DDHD1: variants seen among roughly 807,000 people sequenced by gnomAD.
DDHD1 encodes phospholipase DDHD1.
Under a neutral mutation model 96.4 loss-of-function variants are expected in DDHD1, and 49 were observed. The observed-to-expected ratio is 0.51, with a 90% CI of 0.40 to 0.64. The LOEUF is 0.64. DDHD1 is among the 30% of genes least tolerant of loss of function. The pLI, the probability that DDHD1 is intolerant of heterozygous loss-of-function variation, is 0.00. For missense variants in DDHD1, 1,106 were observed against 1,161.2 expected, an observed-to-expected ratio of 0.95 and a Z score of 0.69; for synonymous variants, 442 against 446.5, an observed-to-expected ratio of 0.99 and a Z score of 0.13.
chr14:53,083,539 A>C (rs1240055402), intron 4 of DDHD1, among the ~76,000 whole-genome samples: 1 of 152,230 alleles, frequency 6.6e-6, no homozygotes, highest in Non-Finnish European at 1.5e-5. Context: ...AGCTAGTCTG[A>C]ACTAATCATT....
At chr14:53,119,777 T>C (rs1302096350) in intron 1 of DDHD1, among the ~76,000 whole-genome samples, 1 of 152,158 alleles carries the variant, frequency 6.6e-6, no homozygotes, top group East Asian at 1.9e-4. Flanking sequence ...AAACTCTCAA[T>C]AAACTAGGTA....
intron 7 of DDHD1, among the ~76,000 whole-genome samples, chr14:53,061,541 G>C (rs958129543): frequency 6.6e-6 from 1 of 152,082 alleles, no homozygotes; most frequent in Middle Eastern, 3.4e-3. Flanking sequence ...ATACTTAAGA[G>C]TTTAGAGATC....
At chr14:53,081,742 A>T (rs1452495986) in intron 4 of DDHD1, among the ~76,000 whole-genome samples, 1 of 152,248 alleles carries the variant, frequency 6.6e-6, no homozygotes, top group East Asian at 1.9e-4. Flanking sequence ...GTTATAAAGC[A>T]AACTTACACA....
At chr14:53,075,973 G>T (rs570273007) in intron 4 of DDHD1, among the ~76,000 whole-genome samples, 1 of 151,994 alleles carries the variant, frequency 6.6e-6, no homozygotes, top group Non-Finnish European at 1.5e-5. Flanking sequence ...GTTACTGCCC[G>T]CTGACAATGT....
chr14:53,147,710 G>A (rs535152872), intron 1 of DDHD1, among the ~76,000 whole-genome samples: 2 of 152,216 alleles, frequency 1.3e-5, no homozygotes, highest in African/African-American at 2.4e-5. Context: ...GAGCAGTCAG[G>A]GTTCCAATGC....
rs561734562 is a variant in DDHD1 at position 53,045,381 on chromosome 14, G to C, written c.*1387C>G. 6.6e-6 allele frequency: 1 copy of C among 152,166 alleles called. No homozygotes were observed. The highest frequency in any genetic ancestry group is 1.9e-4 in the East Asian group (1 of 5,140). 9.4% of individuals were successfully genotyped at this position (152,166 alleles called of 1,614,324 possible). Reference sequence around the variant, plus strand: ...GGACTACAGGTGTACACCACTACAAGTGGCTAATTTTTGTCAGTTTTTGCA... The same window carrying C: ...GGACTACAGGTGTACACCACTACAACTGGCTAATTTTTGTCAGTTTTTGCA... On this transcript the variant is annotated 3_prime_UTR_variant, in exon 13 of 13. Coordinates refer to ENST00000673822, the MANE Select transcript of DDHD1 (RefSeq NM_001160148.2).
intron 2 of DDHD1, among the ~76,000 whole-genome samples, chr14:53,094,415 T>G (rs17126123): frequency 7.9e-5 from 12 of 152,096 alleles, no homozygotes; most frequent in African/African-American, 2.9e-4. Context: ...CAAATCAGTA[T>G]GGTTGGCTGG....
rs776401489 is a variant in DDHD1, at chr14:53,152,957, C to A, written c.142G>T (p.Asp48Tyr). 1.9e-6 allele frequency: 3 copies of A among 1,588,466 alleles called. No homozygotes were observed. The highest frequency in any genetic ancestry group is 2.6e-6 in the Non-Finnish European group (3 of 1,170,314). The change falls in exon 1 of 13, where the codon GAC (aspartate) becomes TAC (tyrosine). Residue 48 changes from aspartate (D) to tyrosine (Y), a missense_variant. Around this residue, in one of 2 missense-constraint regions of DDHD1, gnomAD observed 456 missense variants for 402.4 expected, o/e 1.13. Transcript: ENST00000673822. ...AGGGGCACGTCGCCGTCGTCCGGGT[C>A]CCCGCCGGGCAGGTGCTCGAAGCAG... ...VCCFEHLPGG[D>Y]PDDGDVPLAL...
intron 2 of DDHD1, among the ~76,000 whole-genome samples, chr14:53,101,778 C>T (rs905252966): frequency 1.3e-5 from 2 of 151,962 alleles, no homozygotes; most frequent in African/African-American, 4.8e-5. Flanking sequence ...CTACATTTAG[C>T]ATTTAGGCAG....
chr14:53,087,702 G>C (rs1886095922), intron 4 of DDHD1, among the ~76,000 whole-genome samples: 1 of 152,120 alleles, frequency 6.6e-6, no homozygotes, highest in Non-Finnish European at 1.5e-5. Flanking sequence ...GCCCACAAGA[G>C]AAAGCAGAAA....
chr14:53,125,570 T>C (rs545034025), intron 1 of DDHD1, among the ~76,000 whole-genome samples: 1 of 152,360 alleles, frequency 6.6e-6, no homozygotes, highest in South Asian at 2.1e-4. Context: ...TTGAAACTTT[T>C]AATATCAGCA....
intron 4 of DDHD1, among the ~76,000 whole-genome samples, chr14:53,086,933 A>C (rs1886013322): frequency 6.6e-6 from 1 of 151,104 alleles, no homozygotes; most frequent in South Asian, 2.1e-4. Context: ...CAGGCCCAAA[A>C]TAAAGGGGTG....
At chr14:53,061,659 C>T (rs1883568243) in intron 7 of DDHD1, among the ~76,000 whole-genome samples, 3 of 152,076 alleles carry the variant, frequency 2.0e-5, no homozygotes, top group African/African-American at 7.2e-5. Flanking sequence ...TGATGAACAT[C>T]ATTTTCAATT....
chr14:53,086,913 G>GAC (rs1001859770), intron 4 of DDHD1, among the ~76,000 whole-genome samples: 4 of 130,856 alleles, frequency 3.1e-5, no homozygotes, highest in African/African-American at 8.8e-5. Flanking sequence ...CTCACATGCA[G>GAC]ACACACACAC....
intron 1 of DDHD1, among the ~76,000 whole-genome samples, chr14:53,115,816 C>T (rs1366058904): frequency 6.6e-6 from 1 of 152,172 alleles, no homozygotes; most frequent in African/African-American, 2.4e-5. Context: ...GAAACCACAT[C>T]AAATGATGTG....
intron 1 of DDHD1, among the ~76,000 whole-genome samples, chr14:53,133,088 T>C (rs1049381630): frequency 6.6e-6 from 1 of 152,208 alleles, no homozygotes. Flanking sequence ...TCTTAGAACC[T>C]CTCATTTCCT....
chr14:53,049,295 G>A (rs1882323203), intron 12 of DDHD1, among the ~76,000 whole-genome samples: 3 of 152,156 alleles, frequency 2.0e-5, no homozygotes, highest in Non-Finnish European at 4.4e-5. Context: ...TAGGAAGCTA[G>A]CTTGTACTTG....
chr14:53,102,347 T>C (rs1887366907), intron 2 of DDHD1, among the ~76,000 whole-genome samples: 1 of 152,048 alleles, frequency 6.6e-6, no homozygotes, highest in Non-Finnish European at 1.5e-5. Context: ...CTAGAGCTCT[T>C]ACACTGGGCT....
Position 53,067,096 on chromosome 14 carries a change from G to A in DDHD1, c.1504-3891C>T, listed in dbSNP as rs554435919. Reference sequence around the variant, plus strand: ...GAACTGTTAAAAATACAAAATCACAGGCTCCATCTCAGAACCACCAAATGA... The same window carrying A: ...GAACTGTTAAAAATACAAAATCACAAGCTCCATCTCAGAACCACCAAATGA... On this transcript the variant is annotated intron_variant, in intron 6 of 12. Coordinates refer to ENST00000673822, the MANE Select transcript of DDHD1 (RefSeq NM_001160148.2). Among the ~76,000 whole-genome samples the A allele has an allele frequency of 2.6e-5, 4 of 151,826 alleles. No homozygotes were observed. In the East Asian group the frequency reaches 7.7e-4, roughly 29 times the overall value.
Sources: gnomAD v4.1 joint callset for allele counts (sites outside exome capture counted in the v4.1 genomes callset) on GRCh38, gnomAD v4.1.1 for gene constraint, gnomAD v4.1.1 regional missense constraint, MANE v1.5 for transcripts, NCBI Gene and HGNC (gene_info 2026-07-23, HGNC 2026-07-21) for gene names.